The following CD99 variants were observed in gnomAD, a reference collection of about 807,000 sequenced individuals.
The protein encoded by CD99 is CD99 antigen.
CD99 carries 19 observed loss-of-function variants against 28.4 expected under a neutral mutation model. The ratio of observed to expected loss-of-function variants is 0.67; its 90% CI spans 0.47 to 0.98. The LOEUF is 0.98. CD99 is among the 50% of genes least tolerant of loss of function. CD99 has a pLI of 0.00. For missense variants in CD99, 283 were observed against 248.8 expected (o/e 1.14, Z -0.92); for synonymous variants, 103 against 92.1 (o/e 1.12, Z -0.67).
intron 2 of CD99, among the ~76,000 whole-genome samples, chrX:2,716,342 C>CAT (rs34935127): frequency 3.3e-4 from 50 of 150,784 alleles, no homozygotes; most frequent in African/African-American, 8.8e-4. Context: ...TTATGTTTTA[C>CAT]TTTTTTTTTT....
intron 1 of CD99, among the ~76,000 whole-genome samples, chrX:2,705,866 A>G (rs757745210): frequency 1.6e-4 from 24 of 152,292 alleles, no homozygotes; most frequent in African/African-American, 5.5e-4. Flanking sequence ...AATGAAATGT[A>G]TCAGCTGCCT....
intron 1 of CD99, 173 bp downstream of exon 1, chrX:2,691,600 T>G (rs1294648567): frequency 6.7e-6 from 5 of 743,028 alleles, no homozygotes; most frequent in Non-Finnish European, 9.5e-6. Flanking sequence ...GCGCCCACTT[T>G]CTCCCCAACG....
intron 8 of CD99, among the ~76,000 whole-genome samples, chrX:2,729,486 G>A (rs1211547320): frequency 2.6e-5 from 4 of 152,060 alleles, no homozygotes; most frequent in Admixed American, 6.6e-5. Flanking sequence ...CCATTATCAC[G>A]AGAACAGCAT....
intron 6 of CD99, 152 bp from the exon 7 acceptor site, chrX:2,723,162 G>C (rs1440097354): frequency 3.9e-6 from 3 of 768,694 alleles, no homozygotes; most frequent in Non-Finnish European, 7.0e-6. Context: ...TGCACCCTTA[G>C]AGTGTAATAG....
intron 7 of CD99, chrX:2,723,575 G>C (rs769491885): frequency 1.6e-6 from 1 of 632,146 alleles, no homozygotes; most frequent in Admixed American, 2.8e-5. Context: ...ACGTGACGCG[G>C]ATTTTATGTT....
Position 2,691,307 on chromosome X carries a change from G to T in CD99, c.-54G>T, listed in dbSNP as rs763041132. The T allele has an allele frequency of 1.7e-5, 25 of 1,453,284 alleles. No homozygotes were observed. The East Asian group carries it at 6.6e-4, about 38-fold the overall frequency. 90.0% of individuals were successfully genotyped at this position (1,453,284 alleles called of 1,614,324 possible). ...CCCGTGGGGGAGTATCTGTCCTGCC[G>T]CCTTCGCCCACGCCCTGCACTCCGG... is the stretch of plus-strand genomic sequence containing the variant. On this transcript the variant is annotated 5_prime_UTR_variant, in exon 1 of 10. Coordinates refer to ENST00000381192, the MANE Select transcript of CD99 (RefSeq NM_002414.5).
Position 2,723,384 on chromosome X carries a change from G to C in CD99, c.361+20G>C, listed in dbSNP as rs1053252415. The C allele has an allele frequency of 3.7e-6, 6 of 1,613,630 alleles. No homozygotes were observed. In the East Asian group the frequency reaches 1.3e-4, roughly 36 times the overall value. On this transcript the variant is annotated intron_variant, in intron 7 of 9. Transcript: ENST00000381192. ...AAGAGGGTAGGTGCACCTGGCTTCT[G>C]TCTTCTTGTCTCTCCCACGTGGTGT... is the stretch of plus-strand genomic sequence containing the variant.
At chrX:2,733,369 C>A in intron 8 of CD99, 1 of 1,592,106 alleles carries the variant, frequency 6.3e-7, no homozygotes, top group African/African-American at 1.3e-5. Context: ...GGCTGAAGAC[C>A]TAGGGGTGAG....
chrX:2,735,228 A>G (rs1159275505), intron 8 of CD99, among the ~76,000 whole-genome samples: 1 of 152,182 alleles, frequency 6.6e-6, no homozygotes, highest in Non-Finnish European at 1.5e-5. Context: ...GTGTGTGTAT[A>G]AATATATCTT....
At chrX:2,721,929 G>A (rs377322267) in intron 5 of CD99, among the ~76,000 whole-genome samples, 18 of 152,156 alleles carry the variant, frequency 1.2e-4, no homozygotes, top group East Asian at 7.7e-4. Context: ...TTAGATCAAC[G>A]TATATGAGTA....
In CD99 at chrX:2,717,673, G is replaced by C. The variant is rs374261718; in HGVS notation, c.148+21G>C. ...TGCTGGTGAGAAGGGCTTCTTCCTA[G>C]TATGCAAAGAAAAAGAGCAAATCAT... On this transcript the variant is annotated intron_variant, in intron 3 of 9. Coordinates refer to ENST00000381192, the MANE Select transcript of CD99 (RefSeq NM_002414.5). The C allele has an allele frequency of 6.8e-6, 11 of 1,609,380 alleles. No individual in the cohort carries two copies. The Admixed American group carries it at 1.8e-4, about 27-fold the overall frequency.
Position 2,726,377 on chromosome X carries a change from A to C in CD99, c.475+4A>C, listed in dbSNP as rs771604785. 6.4e-7 allele frequency: 1 copy of C among 1,568,054 alleles called. No individual in the cohort carries two copies. Among genetic ancestry groups the C allele is most frequent in the Non-Finnish European group, 8.8e-7 (1 of 1,139,180 alleles). ...AAGCTATGCTTCAAAGAAAATGGTA[A>C]GTCTCAGTCCGCCGGTGCCTCTCCT... On this transcript the variant is annotated splice_donor_region_variant and intron_variant, in intron 8 of 9. Transcript: ENST00000381192.
chrX:2,723,479 A>T, intron 7 of CD99, 115 bp downstream of exon 7: 1 of 1,210,798 alleles, frequency 8.3e-7, no homozygotes. Flanking sequence ...AGCTACTGGC[A>T]GGAGGCACGG....
chrX:2,712,493 T>C (rs932599807), intron 1 of CD99, among the ~76,000 whole-genome samples: 4 of 152,126 alleles, frequency 2.6e-5, no homozygotes, highest in Non-Finnish European at 5.9e-5. Context: ...CATATATATA[T>C]TTATATGTGC....
At chrX:2,712,636 A>C (rs1338462204) in intron 1 of CD99, among the ~76,000 whole-genome samples, 2 of 152,080 alleles carry the variant, frequency 1.3e-5, no homozygotes, top group Non-Finnish European at 2.9e-5. Flanking sequence ...CCTGTTGTGG[A>C]AACAGCCATT....
Position 2,695,735 on chromosome X carries a change from G to A in CD99, c.67+4308G>A, listed in dbSNP as rs1361648418. Among the ~76,000 whole-genome samples, 5 of 151,910 alleles carry A rather than the reference G, an allele frequency of 3.3e-5. No individual in the cohort carries two copies. In the East Asian group the frequency reaches 9.7e-4, roughly 29 times the overall value. ...TGCGACCTGTGTCTCCCGGGCTCAG[G>A]CAATTCTCCTGCCTCAGACACCTGA... On this transcript the variant is annotated intron_variant, in intron 1 of 9. Transcript: ENST00000381192.
intron 1 of CD99, among the ~76,000 whole-genome samples, chrX:2,712,765 G>A (rs1183793835): frequency 2.0e-5 from 3 of 151,866 alleles, no homozygotes; most frequent in South Asian, 2.1e-4. Flanking sequence ...AAACACACAC[G>A]CAGCCATGAG....
chrX:2,708,508 A>C (rs2048228821), intron 1 of CD99, among the ~76,000 whole-genome samples: 1 of 152,192 alleles, frequency 6.6e-6, no homozygotes, highest in Non-Finnish European at 1.5e-5. Flanking sequence ...GGTCGATGAT[A>C]GAATGCTTGG....
At chrX:2,705,427 A>G (rs2048068865) in intron 1 of CD99, among the ~76,000 whole-genome samples, 1 of 152,224 alleles carries the variant, frequency 6.6e-6, no homozygotes, top group Non-Finnish European at 1.5e-5. Flanking sequence ...TATGTTTGGT[A>G]AGATCTCAGC....
Sources: allele counts gnomAD v4.1 joint callset (sites outside exome capture counted in the v4.1 genomes callset), GRCh38; gene constraint gnomAD v4.1.1; transcripts MANE v1.5; gene names NCBI Gene and HGNC (gene_info 2026-07-23, HGNC 2026-07-21).